Variants in DAB1 observed in about 807,000 individuals in gnomAD.
DAB1 encodes the protein DAB adaptor protein 1.
In DAB1, 15 loss-of-function variants were observed where a neutral mutation model predicts 64.6. The ratio of observed to expected loss-of-function variants is 0.23; its 90% CI spans 0.16 to 0.36. The LOEUF is 0.36. Ranked by LOEUF, DAB1 falls within the 10% of genes least tolerant of loss-of-function variation. The pLI is 1.00. For missense variants in DAB1, 596 were observed against 706.7 expected (o/e 0.84, Z 1.78); for synonymous variants, 235 against 251.9 (o/e 0.93, Z 0.64).
chr1:57,358,743 G>A (rs1270879952), intron 1 of DAB1, among the ~76,000 whole-genome samples: 1 of 152,068 alleles, frequency 6.6e-6, no homozygotes, highest in Non-Finnish European at 1.5e-5. Flanking sequence ...CAAAGCTACA[G>A]TAACCAAAAC....
At chr1:57,957,475 A>T (rs935213192) in intron 5 of DAB1, among the ~76,000 whole-genome samples, 37 of 152,234 alleles carry the variant, frequency 2.4e-4, no homozygotes, top group African/African-American at 8.4e-4. Flanking sequence ...TTTGAGATAT[A>T]TATTAGACAT....
chr1:58,002,136 T>G (rs770407261), intron 5 of DAB1, among the ~76,000 whole-genome samples: 59 of 152,188 alleles, frequency 3.9e-4, no homozygotes, highest in Non-Finnish European at 5.3e-4. Context: ...AATAAGCTTT[T>G]GTTGCTTTAA....
intron 5 of DAB1, among the ~76,000 whole-genome samples, chr1:58,022,606 G>A (rs1349180447): frequency 6.6e-6 from 1 of 151,972 alleles, no homozygotes; most frequent in Non-Finnish European, 1.5e-5. Context: ...CATGACTCAC[G>A]GTATGTTTAA....
At chr1:58,473,858 C>T (rs1042621744) in intron 3 of DAB1, 4 of 650,062 alleles carry the variant, frequency 6.2e-6, no homozygotes, top group Admixed American at 2.3e-5. Context: ...TCCTAGCCTG[C>T]GTTTCCTTCA....
intron 1 of DAB1, among the ~76,000 whole-genome samples, chr1:57,314,922 T>A (rs1675065363): frequency 6.6e-6 from 1 of 152,210 alleles, no homozygotes; most frequent in Non-Finnish European, 1.5e-5. Flanking sequence ...TAATAGTCCC[T>A]GATCCATTGA....
intron 3 of DAB1, among the ~76,000 whole-genome samples, chr1:58,445,231 C>T (rs1259336281): frequency 6.6e-6 from 1 of 152,208 alleles, no homozygotes; most frequent in Non-Finnish European, 1.5e-5. Context: ...TATATGTAAA[C>T]ACATGGCACA....
At position 57,244,895 on chromosome 1, in the gene DAB1, AATCTC is replaced by A. The variant is rs1412616360; in HGVS notation, c.67+46064_67+46068del. On this transcript the variant is annotated intron_variant, in intron 2 of 14. Coordinates refer to ENST00000371236, the MANE Select transcript of DAB1 (RefSeq NM_001365792.1). The stretch of plus-strand genomic sequence containing the variant: ...TGGTTTAACTCTGTGTCCTTACCCA[AATCTC>A]ATGTCGAATTGTAATCCCCATGTGT... Among the ~76,000 whole-genome samples the A allele has an allele frequency of 3.9e-5, 6 of 152,332 alleles. No homozygotes were observed. The East Asian group carries it at 1.2e-3, about 29-fold the overall frequency.
At chr1:57,835,010 CG>C (rs1557507260) in intron 1 of DAB1, among the ~76,000 whole-genome samples, 3 of 152,094 alleles carry the variant, frequency 2.0e-5, no homozygotes, top group African/African-American at 7.2e-5. Flanking sequence ...AGCAGAAGTT[CG>C]TGCTCAATCT....
intron 4 of DAB1, among the ~76,000 whole-genome samples, chr1:58,317,041 T>C (rs1662573688): frequency 6.6e-6 from 1 of 152,262 alleles, no homozygotes; most frequent in Non-Finnish European, 1.5e-5. Flanking sequence ...AAAATTCTTC[T>C]GTGCTTAGCA....
intron 4 of DAB1, among the ~76,000 whole-genome samples, chr1:58,323,325 C>T (rs1662739592): frequency 6.6e-6 from 1 of 152,052 alleles, no homozygotes; most frequent in African/African-American, 2.4e-5. Context: ...GAGTTTATCA[C>T]TTCCCCTCAG....
chr1:57,416,977 AC>A (rs1684537971), intron 1 of DAB1, among the ~76,000 whole-genome samples: 1 of 152,200 alleles, frequency 6.6e-6, no homozygotes, highest in African/African-American at 2.4e-5. Flanking sequence ...AAATTATTGG[AC>A]AAAATACCAT....
intron 1 of DAB1, among the ~76,000 whole-genome samples, chr1:57,867,929 G>T (rs1173318487): frequency 6.6e-6 from 1 of 152,132 alleles, no homozygotes; most frequent in Non-Finnish European, 1.5e-5. Context: ...ATGGCACGGG[G>T]TGTGCTTGAG....
At chr1:57,769,128 G>T (rs1395595742) in intron 6 of DAB1, among the ~76,000 whole-genome samples, 1 of 152,114 alleles carries the variant, frequency 6.6e-6, no homozygotes, top group East Asian at 1.9e-4. Context: ...CTGCTGCATG[G>T]TACATGCTCC....
At chr1:57,625,898 A>G (rs1645916632) in intron 7 of DAB1, among the ~76,000 whole-genome samples, 1 of 152,140 alleles carries the variant, frequency 6.6e-6, no homozygotes. Context: ...AAAATAAAAC[A>G]AAAAAGCTGG....
At chr1:57,343,704 T>C (rs1570327224) in intron 1 of DAB1, among the ~76,000 whole-genome samples, 1 of 150,994 alleles carries the variant, frequency 6.6e-6, no homozygotes, top group Non-Finnish European at 1.5e-5. Flanking sequence ...GCTCCAAGTG[T>C]GGGGTCCGCG....
intron 4 of DAB1, among the ~76,000 whole-genome samples, chr1:58,172,329 T>C (rs1656219932): frequency 6.6e-6 from 1 of 152,238 alleles, no homozygotes; most frequent in South Asian, 2.1e-4. Context: ...AGCAAAATGC[T>C]GGCCTTACTG....
intron 7 of DAB1, among the ~76,000 whole-genome samples, chr1:57,636,096 C>CAAAAAA (rs61007751): frequency 3.4e-4 from 22 of 64,940 alleles, no homozygotes; most frequent in African/African-American, 5.7e-4. Context: ...GACACGGTCT[C>CAAAAAA]AAAAAAAAAA....
chr1:58,338,791 G>A (rs1000401016), intron 4 of DAB1, among the ~76,000 whole-genome samples: 9 of 152,102 alleles, frequency 5.9e-5, no homozygotes, highest in Non-Finnish European at 1.5e-5. Context: ...TAAACAAAAT[G>A]TGGTATATCC....
rs552174898 is a variant in DAB1 at position 58,214,507 on chromosome 1, G to C, written n.310-63919C>G. Among the ~76,000 whole-genome samples, 9 of 152,154 alleles carry C rather than the reference G, an allele frequency of 5.9e-5. No individual in the cohort carries two copies. In the East Asian group the frequency reaches 1.5e-3, roughly 26 times the overall value. On this transcript the variant is annotated intron_variant and non_coding_transcript_variant, in intron 4 of 20. Transcript: ENST00000485760. ...AAAAGCCAAAAGAAAGTAAGAAAGAGGGAGTGGTCCCCTATATAAAATTGT... is the reference window on the plus strand; with the variant it reads ...AAAAGCCAAAAGAAAGTAAGAAAGACGGAGTGGTCCCCTATATAAAATTGT...
Sources: allele counts gnomAD v4.1 joint callset (sites outside exome capture counted in the v4.1 genomes callset), GRCh38; gene constraint gnomAD v4.1.1; transcripts MANE v1.5; gene names NCBI Gene and HGNC (gene_info 2026-07-23, HGNC 2026-07-21).